DTNA: variants seen among roughly 807,000 people sequenced by gnomAD.
DTNA encodes dystrobrevin alpha, also known as dystrophin-related protein 3.
In DTNA, 43 loss-of-function variants were observed where a neutral mutation model predicts 100.7. The ratio of observed to expected loss-of-function variants is 0.43; its 90% confidence interval spans 0.33 to 0.55. The LOEUF is 0.55. Among genes scored for constraint, DTNA ranks in the 20% least tolerant of loss-of-function variants. The pLI is 0.04. For synonymous variants in DTNA, 349 were observed against 347.9 expected, an observed-to-expected ratio of 1.00 and a Z score of -0.04; for missense variants, 798 against 953.9, an observed-to-expected ratio of 0.84 and a Z score of 2.15.
intron 1 of DTNA, among the ~76,000 whole-genome samples, chr18:34,561,648 T>C (rs993559790): frequency 2.0e-5 from 3 of 152,288 alleles, no homozygotes; most frequent in Non-Finnish European, 1.5e-5. Flanking sequence ...CCTTATTTGC[T>C]TGTCTTCTTT....
chr18:34,626,865 T>G (rs2057390939), intron 1 of DTNA, among the ~76,000 whole-genome samples: 1 of 152,190 alleles, frequency 6.6e-6, no homozygotes, highest in East Asian at 1.9e-4. Flanking sequence ...GTCTCACCAT[T>G]AATTTGGAAA....
At chr18:34,815,425 C>T (rs893521954) in intron 6 of DTNA, among the ~76,000 whole-genome samples, 1 of 152,142 alleles carries the variant, frequency 6.6e-6, no homozygotes, top group Non-Finnish European at 1.5e-5. Flanking sequence ...CCCTCCTGCT[C>T]TTGTATAACA....
At chr18:34,829,061 G>C in intron 10 of DTNA, 1 of 1,614,072 alleles carries the variant, frequency 6.2e-7, no homozygotes, top group Non-Finnish European at 8.5e-7. Flanking sequence ...GCTTTTGGTG[G>C]ATGCGTCTAG....
At chr18:34,771,937 AC>A (rs2093794985) in intron 3 of DTNA, among the ~76,000 whole-genome samples, 1 of 146,224 alleles carries the variant, frequency 6.8e-6, no homozygotes, top group Admixed American at 7.1e-5. Context: ...TGATCCAGAT[AC>A]CCTGTAATGT....
chr18:34,554,586 G>A (rs1280579295), intron 1 of DTNA, among the ~76,000 whole-genome samples: 2 of 139,364 alleles, frequency 1.4e-5, no homozygotes, highest in South Asian at 4.2e-4. Context: ...TAGCATGAAG[G>A]GTTGTTGAAT....
intron 6 of DTNA, among the ~76,000 whole-genome samples, chr18:34,813,750 G>T (rs1480991906): frequency 4.0e-5 from 6 of 149,870 alleles, no homozygotes; most frequent in African/African-American, 1.5e-4. Context: ...CTAGAAGCAG[G>T]AGAATTGCTT....
chr18:34,881,842 G>A (rs539221849), intron 20 of DTNA, among the ~76,000 whole-genome samples: 5 of 144,082 alleles, frequency 3.5e-5, no homozygotes, highest in Non-Finnish European at 7.6e-5. Flanking sequence ...ACCAATGATC[G>A]CAACTGCCAT....
chr18:34,648,369 G>T (rs1373572189), intron 1 of DTNA, among the ~76,000 whole-genome samples: 5 of 152,204 alleles, frequency 3.3e-5, no homozygotes, highest in African/African-American at 1.2e-4. Flanking sequence ...AGTAGGTTGA[G>T]GTGGGGTAAG....
chr18:34,699,582 C>T (rs770715929), intron 1 of DTNA, among the ~76,000 whole-genome samples: 1 of 152,216 alleles, frequency 6.6e-6, no homozygotes, highest in Non-Finnish European at 1.5e-5. Context: ...CACTGTCACA[C>T]AACTCAAATA....
At chr18:34,801,082 AGT>A (rs1288284968) in intron 4 of DTNA, among the ~76,000 whole-genome samples, 1 of 152,204 alleles carries the variant, frequency 6.6e-6, no homozygotes, top group Non-Finnish European at 1.5e-5. Context: ...CCAAAGGGTA[AGT>A]GCCTTCCTCT....
chr18:34,608,475 T>C (rs956663268), intron 1 of DTNA, among the ~76,000 whole-genome samples: 9 of 151,910 alleles, frequency 5.9e-5, no homozygotes, highest in Admixed American at 4.6e-4. Flanking sequence ...TACTCAAATA[T>C]TCAGAAATTT....
chr18:34,853,473 A>G (rs906277042), intron 15 of DTNA, among the ~76,000 whole-genome samples: 2 of 152,162 alleles, frequency 1.3e-5, no homozygotes, highest in South Asian at 4.1e-4. Flanking sequence ...GCACTTTTTC[A>G]TATTTTTTTC....
At chr18:34,825,695 C>G (rs2095844892) in intron 9 of DTNA, among the ~76,000 whole-genome samples, 2 of 152,130 alleles carry the variant, frequency 1.3e-5, no homozygotes, top group African/African-American at 4.8e-5. Flanking sequence ...GCTGAGAAAC[C>G]TTGATTTCAG....
intron 3 of DTNA, among the ~76,000 whole-genome samples, chr18:34,789,238 C>T (rs1602050930): frequency 6.6e-6 from 1 of 152,118 alleles, no homozygotes; most frequent in East Asian, 1.9e-4. Flanking sequence ...ACAAAAATAC[C>T]ACCATCCCTT....
upstream of DTNA, among the ~76,000 whole-genome samples, chr18:34,706,629 C>T (rs374241860): frequency 1.8e-4 from 27 of 152,204 alleles, no homozygotes; most frequent in South Asian, 3.1e-3. Flanking sequence ...TATTTAAAAA[C>T]GGATATTTTC....
At chr18:34,546,682 G>C (rs888874436) in intron 1 of DTNA, among the ~76,000 whole-genome samples, 6 of 152,078 alleles carry the variant, frequency 3.9e-5, no homozygotes, top group Non-Finnish European at 7.4e-5. Flanking sequence ...TGAGTAATTT[G>C]AGTAAGGGCC....
intron 1 of DTNA, among the ~76,000 whole-genome samples, chr18:34,751,919 A>G (rs1392520385): frequency 1.3e-5 from 2 of 152,242 alleles, no homozygotes; most frequent in Non-Finnish European, 2.9e-5. Flanking sequence ...GCTACTTTAT[A>G]AATATTGCTT....
intron 2 of DTNA, among the ~76,000 whole-genome samples, chr18:34,761,021 C>G (rs540134409): frequency 6.6e-6 from 1 of 152,214 alleles, no homozygotes; most frequent in South Asian, 2.1e-4. Context: ...CTATTCCACT[C>G]AGCTACCTAA....
chr18:34,561,388 T>C (rs1335637363), intron 1 of DTNA, among the ~76,000 whole-genome samples: 1 of 152,186 alleles, frequency 6.6e-6, no homozygotes, highest in African/African-American at 2.4e-5. Flanking sequence ...TTTCATGTGT[T>C]TTAAAACACG....
Sources: allele counts gnomAD v4.1 joint callset (sites outside exome capture counted in the v4.1 genomes callset), GRCh38; gene constraint gnomAD v4.1.1; transcripts MANE v1.5; gene names NCBI Gene and HGNC (gene_info 2026-07-23, HGNC 2026-07-21).